The following NLGN1 variants were observed in gnomAD, a reference collection of about 807,000 sequenced individuals.
NLGN1 encodes neuroligin-1.
Under a neutral mutation model 65.5 loss-of-function variants are expected in NLGN1, and 12 were observed. The ratio of observed to expected loss-of-function variants is 0.18; its 90% CI spans 0.12 to 0.30. NLGN1 has a LOEUF of 0.30. NLGN1 is among the 10% of genes least tolerant of loss of function. The pLI is 1.00. For synonymous variants in NLGN1, 350 were observed against 359.5 expected (o/e 0.97, Z 0.30); for missense variants, 750 against 1,007.1 (o/e 0.74, Z 3.46).
At chr3:174,138,860 GA>G (rs957571666) in intron 4 of NLGN1, among the ~76,000 whole-genome samples, 25 of 150,966 alleles carry the variant, frequency 1.7e-4, no homozygotes, top group East Asian at 1.9e-4. Context: ...TGCAAAATGG[GA>G]AAAAAAAGGG....
intron 2 of NLGN1, among the ~76,000 whole-genome samples, chr3:173,487,408 A>G (rs1055810390): frequency 2.0e-5 from 3 of 151,850 alleles, no homozygotes; most frequent in African/African-American, 7.3e-5. Context: ...ATTCTTGTAG[A>G]TGTTCCATGT....
intron 4 of NLGN1, among the ~76,000 whole-genome samples, chr3:174,067,432 T>A (rs1738875742): frequency 6.6e-6 from 1 of 152,166 alleles, no homozygotes; most frequent in Admixed American, 6.6e-5. Context: ...TCCTTCCTTG[T>A]TAAATTAGAG....
At chr3:173,675,174 T>G (rs1214983887) in intron 3 of NLGN1, among the ~76,000 whole-genome samples, 4 of 152,202 alleles carry the variant, frequency 2.6e-5, no homozygotes, top group Non-Finnish European at 5.9e-5. Context: ...AGGAAAAAAA[T>G]CTTTGTTGAT....
intron 2 of NLGN1, among the ~76,000 whole-genome samples, chr3:173,470,502 C>T (rs1725131133): frequency 6.6e-6 from 1 of 152,102 alleles, no homozygotes. Flanking sequence ...GAGGGACTAA[C>T]AGCATGGGTT....
intron 4 of NLGN1, among the ~76,000 whole-genome samples, chr3:174,175,482 G>T (rs1383243402): frequency 6.6e-6 from 1 of 151,710 alleles, no homozygotes; most frequent in African/African-American, 2.4e-5. Flanking sequence ...CATTGGCATG[G>T]AATATCTTTT....
chr3:173,743,493 T>A (rs12489631), intron 3 of NLGN1, among the ~76,000 whole-genome samples: 142,562 of 152,204 alleles, frequency 0.94, 66,872 homozygotes, highest in East Asian at 1. Flanking sequence ...TTCTACTATC[T>A]AATATATCAC....
chr3:173,671,603 G>A (rs993847206), intron 3 of NLGN1, among the ~76,000 whole-genome samples: 13 of 152,226 alleles, frequency 8.5e-5, no homozygotes, highest in African/African-American at 2.9e-4. Context: ...GCCACTTTAC[G>A]TTTGGCACTT....
At chr3:173,553,493 C>T (rs1288905265) in intron 2 of NLGN1, among the ~76,000 whole-genome samples, 2 of 152,132 alleles carry the variant, frequency 1.3e-5, no homozygotes, top group East Asian at 3.9e-4. Flanking sequence ...ATCTATTTAT[C>T]TCCTTTCTTC....
intron 4 of NLGN1, among the ~76,000 whole-genome samples, chr3:174,233,540 G>C (rs942245465): frequency 6.6e-6 from 1 of 151,348 alleles, no homozygotes; most frequent in African/African-American, 2.4e-5. Flanking sequence ...ACAGTTAAAG[G>C]CAAACCTCTT....
At chr3:173,560,128 A>G (rs1027124214) in intron 2 of NLGN1, among the ~76,000 whole-genome samples, 1 of 151,986 alleles carries the variant, frequency 6.6e-6, no homozygotes, top group African/African-American at 2.4e-5. Flanking sequence ...TATTTTTAGT[A>G]GAGACGGGGT....
chr3:174,134,702 T>G lies in NLGN1; in HGVS notation c.647-140613T>G, dbSNP rs139841783. 6.2e-4 allele frequency among the ~76,000 whole-genome samples: 95 copies of G among 152,270 alleles called. 1 individual carries two copies. The highest frequency in any genetic ancestry group is 3.3e-3 in the East Asian group (17 of 5,168). Reference sequence around the variant, plus strand: ...TCAAGATAAATGACTTGAAGCTGGATAGTGTGGACCCTGGCAATTCTGAGG... The same window carrying G: ...TCAAGATAAATGACTTGAAGCTGGAGAGTGTGGACCCTGGCAATTCTGAGG... On this transcript the variant is annotated intron_variant, in intron 4 of 6. Coordinates refer to ENST00000457714, the Ensembl canonical transcript of NLGN1.
chr3:173,886,941 CT>C (rs1247392078), intron 4 of NLGN1, among the ~76,000 whole-genome samples: 5 of 151,968 alleles, frequency 3.3e-5, no homozygotes, highest in Non-Finnish European at 5.9e-5. Context: ...AAATATGGCT[CT>C]TTTTTTCTGA....
chr3:174,085,397 A>C (rs1297996549), intron 4 of NLGN1, among the ~76,000 whole-genome samples: 1 of 152,042 alleles, frequency 6.6e-6, no homozygotes, highest in African/African-American at 2.4e-5. Flanking sequence ...CTCATAAGTC[A>C]GGTGTGAATT....
chr3:174,265,634 C>T (rs990355294), intron 4 of NLGN1, among the ~76,000 whole-genome samples: 2 of 151,854 alleles, frequency 1.3e-5, no homozygotes, highest in Admixed American at 6.6e-5. Context: ...AGAAATCACC[C>T]GTCTTCTGCA....
At chr3:174,044,832 G>A (rs1733176636) in intron 4 of NLGN1, among the ~76,000 whole-genome samples, 1 of 152,106 alleles carries the variant, frequency 6.6e-6, no homozygotes, top group South Asian at 2.1e-4. Context: ...TTACCCCCGT[G>A]CTGCTCTTCT....
chr3:174,073,325 C>T (rs1740290370), intron 4 of NLGN1, among the ~76,000 whole-genome samples: 1 of 151,760 alleles, frequency 6.6e-6, no homozygotes, highest in Non-Finnish European at 1.5e-5. Context: ...TTAAGATTAG[C>T]TAAGAGGTTA....
chr3:173,780,435 C>G (rs553267224), intron 3 of NLGN1, among the ~76,000 whole-genome samples: 1 of 152,302 alleles, frequency 6.6e-6, no homozygotes, highest in South Asian at 2.1e-4. Flanking sequence ...ATTGCTATGA[C>G]AAGTGCAAAT....
chr3:173,772,092 C>G (rs1189700126), intron 3 of NLGN1, among the ~76,000 whole-genome samples: 1 of 151,900 alleles, frequency 6.6e-6, no homozygotes, highest in Non-Finnish European at 1.5e-5. Flanking sequence ...ATGTGTTTTT[C>G]AATTATTTAA....
At chr3:173,463,637 G>T (rs1223572777) in intron 2 of NLGN1, among the ~76,000 whole-genome samples, 2 of 152,156 alleles carry the variant, frequency 1.3e-5, no homozygotes, top group African/African-American at 4.8e-5. Flanking sequence ...AGTTTTCAAA[G>T]TGTGATAAGA....
Sources: gnomAD v4.1 joint callset for allele counts (sites outside exome capture counted in the v4.1 genomes callset) on GRCh38, gnomAD v4.1.1 for gene constraint, MANE v1.5 for transcripts, NCBI Gene and HGNC (gene_info 2026-07-23, HGNC 2026-07-21) for gene names.